Variants in DSCAM observed in about 807,000 individuals in gnomAD.
DSCAM encodes DS cell adhesion molecule, also known as cell adhesion molecule DSCAM.
In DSCAM, 47 loss-of-function variants were observed where a neutral mutation model predicts 217.7. The ratio of observed to expected loss-of-function variants is 0.22; its 90% CI spans 0.17 to 0.28. The LOEUF (loss-of-function observed/expected upper bound fraction) is 0.28. DSCAM is among the 10% of genes least tolerant of loss of function. The pLI is 1.00. For missense variants in DSCAM, 2,080 were observed against 2,618.3 expected (o/e 0.79, Z 4.49); for synonymous variants, 1,056 against 1,015.3 (o/e 1.04, Z -0.76).
chr21:40,507,606 C>G (rs138673337), intron 3 of DSCAM, among the ~76,000 whole-genome samples: 123 of 152,110 alleles, frequency 8.1e-4, no homozygotes, highest in African/African-American at 2.7e-3. Context: ...GCCTGGGGAA[C>G]ATGGTGAAAC....
chr21:40,802,158 A>G (rs1315086666), intron 1 of DSCAM, among the ~76,000 whole-genome samples: 1 of 151,804 alleles, frequency 6.6e-6, no homozygotes, highest in Non-Finnish European at 1.5e-5. Flanking sequence ...TGGGGGCCCA[A>G]CTCCCACCCC....
At chr21:40,063,737 C>T (rs559116956) in intron 27 of DSCAM, among the ~76,000 whole-genome samples, 3 of 152,262 alleles carry the variant, frequency 2.0e-5, no homozygotes, top group Admixed American at 6.5e-5. Flanking sequence ...TGAAAGTATA[C>T]GTATGTGGGA....
At chr21:40,369,382 C>CTGTGTGTG (rs2074870366) in intron 3 of DSCAM, 137 bp from the exon 4 acceptor site, 16 of 508,598 alleles carry the variant, frequency 3.1e-5, no homozygotes, top group South Asian at 2.5e-4. Context: ...GTGCGTGCGT[C>CTGTGTGTG]TGCGTGTGTG....
chr21:40,421,684 C>T (rs2075425848), intron 3 of DSCAM, among the ~76,000 whole-genome samples: 1 of 152,196 alleles, frequency 6.6e-6, no homozygotes, highest in Admixed American at 6.5e-5. Flanking sequence ...AGATAAACAA[C>T]AGTATTATCA....
chr21:40,660,484 A>G (rs940706488), intron 3 of DSCAM, among the ~76,000 whole-genome samples: 2 of 152,210 alleles, frequency 1.3e-5, no homozygotes, highest in Non-Finnish European at 2.9e-5. Flanking sequence ...TCAAAAATGA[A>G]AAAGTATTTT....
At chr21:40,611,189 G>A (rs991216830) in intron 3 of DSCAM, among the ~76,000 whole-genome samples, 7 of 150,822 alleles carry the variant, frequency 4.6e-5, no homozygotes, top group African/African-American at 1.5e-4. Flanking sequence ...CTCCCGGGTA[G>A]CTGGGACTAC....
rs553190803 is a variant in DSCAM, at chr21:40,168,902, A to G, written c.2948-1614T>C. ...GGTTACTTAGCTTGTCTGTGACTCC[A>G]TTTCTCTCTATATATAATGGGCCAA... On this transcript the variant is annotated intron_variant, in intron 15 of 32. Transcript: ENST00000400454. Among the ~76,000 whole-genome samples, 9 of 152,216 alleles carry G rather than the reference A, an allele frequency of 5.9e-5. 2 individuals are homozygous for G. The South Asian group carries it at 1.9e-3, about 32-fold the overall frequency.
At chr21:40,338,514 G>T in intron 7 of DSCAM, 138 bp from the exon 8 acceptor site, 1 of 928,494 alleles carries the variant, frequency 1.1e-6, no homozygotes, top group Non-Finnish European at 1.5e-6. Context: ...AAATATTTTT[G>T]CATGTGGCAT....
chr21:40,226,694 C>T (rs2091336006), intron 11 of DSCAM, among the ~76,000 whole-genome samples: 1 of 152,080 alleles, frequency 6.6e-6, no homozygotes, highest in African/African-American at 2.4e-5. Context: ...TTAACCAATC[C>T]AAAAGTTAAT....
chr21:40,742,577 G>C (rs1359197401), intron 1 of DSCAM, among the ~76,000 whole-genome samples: 1 of 152,216 alleles, frequency 6.6e-6, no homozygotes, highest in African/African-American at 2.4e-5. Flanking sequence ...CACTACGTTT[G>C]TGATAATTTG....
At chr21:40,313,887 G>A (rs144954783) in intron 8 of DSCAM, among the ~76,000 whole-genome samples, 35 of 152,230 alleles carry the variant, frequency 2.3e-4, no homozygotes, top group African/African-American at 7.7e-4. Flanking sequence ...ATTATATTAC[G>A]AGTTTTTCCT....
At chr21:40,658,532 C>T (rs2090100912) in intron 3 of DSCAM, among the ~76,000 whole-genome samples, 1 of 152,176 alleles carries the variant, frequency 6.6e-6, no homozygotes, top group African/African-American at 2.4e-5. Flanking sequence ...ATGGGGCGTC[C>T]TGGGAATTCT....
At chr21:40,548,648 C>T (rs1041198860) in intron 3 of DSCAM, among the ~76,000 whole-genome samples, 1 of 151,944 alleles carries the variant, frequency 6.6e-6, no homozygotes, top group East Asian at 1.9e-4. Flanking sequence ...TTTTCTTTCT[C>T]CTCTTACTTT....
At chr21:40,688,955 C>T (rs73220292) in intron 3 of DSCAM, among the ~76,000 whole-genome samples, 98 of 152,274 alleles carry the variant, frequency 6.4e-4, no homozygotes, top group Non-Finnish European at 1.2e-3. Context: ...TTGATTCCTG[C>T]GTCTACCTTC....
At chr21:40,057,547 G>A (rs964508657) in intron 28 of DSCAM, among the ~76,000 whole-genome samples, 2 of 152,180 alleles carry the variant, frequency 1.3e-5, no homozygotes, top group African/African-American at 4.8e-5. Flanking sequence ...TTATGAGGCA[G>A]TCAGCGGCTG....
At chr21:40,178,791 A>G (rs1167378123) in intron 15 of DSCAM, 136 bp downstream of exon 15, 1 of 1,023,434 alleles carries the variant, frequency 9.8e-7, no homozygotes, top group African/African-American at 1.6e-5. Flanking sequence ...TTTATAGGGC[A>G]CAGAACTACG....
intron 15 of DSCAM, among the ~76,000 whole-genome samples, chr21:40,176,048 C>T (rs1000284035): frequency 4.0e-5 from 6 of 151,804 alleles, no homozygotes; most frequent in Non-Finnish European, 8.8e-5. Flanking sequence ...TGATGATACA[C>T]CTCAAAGGCT....
At chr21:40,516,182 TATTAAA>T (rs910880628) in intron 3 of DSCAM, among the ~76,000 whole-genome samples, 28 of 152,146 alleles carry the variant, frequency 1.8e-4, no homozygotes, top group African/African-American at 6.5e-4. Flanking sequence ...AACTGACCTC[TATTAAA>T]ATTAATTTTT....
chr21:40,616,808 G>A (rs560181941), intron 3 of DSCAM, among the ~76,000 whole-genome samples: 1 of 151,918 alleles, frequency 6.6e-6, no homozygotes, highest in Non-Finnish European at 1.5e-5. Context: ...ACGAGGTCAG[G>A]AGATCGAGAC....
Sources: gnomAD v4.1 joint callset for allele counts (sites outside exome capture counted in the v4.1 genomes callset) on GRCh38, gnomAD v4.1.1 for gene constraint, MANE v1.5 for transcripts, NCBI Gene and HGNC (gene_info 2026-07-23, HGNC 2026-07-21) for gene names.